Variants in FRK observed in about 807,000 individuals in gnomAD.
FRK encodes the protein fyn related Src family tyrosine kinase, also known as tyrosine-protein kinase FRK.
In FRK, 51 loss-of-function variants were observed where a neutral mutation model predicts 56.4. The observed-to-expected ratio is 0.90, with a 90% CI of 0.72 to 1.14. FRK has a LOEUF of 1.14. Ranked by LOEUF, FRK falls within the 50% of genes most tolerant of loss-of-function variation. The pLI is 0.00. For synonymous variants in FRK, 245 were observed against 217.9 expected (o/e 1.12, Z -1.10); for missense variants, 570 against 601.4 (o/e 0.95, Z 0.55).
At chr6:116,061,399 AACACACAC>A (rs3049929), upstream of FRK, among the ~76,000 whole-genome samples, 66 of 146,678 alleles carry the variant, frequency 4.5e-4, no homozygotes, top group African/African-American at 1.3e-3. Flanking sequence ...CTATTTGGGA[AACACACAC>A]ACACACACAC....
chr6:115,945,860 A>G (rs2114519602), intron 5 of FRK, among the ~76,000 whole-genome samples: 1 of 152,250 alleles, frequency 6.6e-6, no homozygotes, highest in East Asian at 1.9e-4. Context: ...TTTATAACTA[A>G]GTATAAAAAA....
At chr6:115,976,560 G>C (rs1773998881) in intron 2 of FRK, among the ~76,000 whole-genome samples, 1 of 152,036 alleles carries the variant, frequency 6.6e-6, no homozygotes, top group South Asian at 2.1e-4. Flanking sequence ...CTGGTCTTCT[G>C]GCATCATCTG....
chr6:115,985,843 T>C (rs114920812), intron 2 of FRK, among the ~76,000 whole-genome samples: 2,064 of 151,086 alleles, frequency 0.014, 52 homozygotes, highest in African/African-American at 0.048. Flanking sequence ...TCTGGAGTGA[T>C]TTTGAGATAA....
At chr6:116,006,514 A>C (rs1255255664) in intron 1 of FRK, among the ~76,000 whole-genome samples, 4 of 152,242 alleles carry the variant, frequency 2.6e-5, no homozygotes, top group African/African-American at 9.6e-5. Context: ...TTTCACTTCT[A>C]GACTACATGC....
chr6:116,033,360 A>G (rs1043050837), intron 1 of FRK, among the ~76,000 whole-genome samples: 4 of 152,178 alleles, frequency 2.6e-5, no homozygotes, highest in African/African-American at 9.6e-5. Flanking sequence ...ATATAAAAAT[A>G]AATTACTTAG....
intron 1 of FRK, among the ~76,000 whole-genome samples, chr6:116,026,291 A>AT (rs1776085794): frequency 6.6e-6 from 1 of 152,120 alleles, no homozygotes; most frequent in South Asian, 2.1e-4. Flanking sequence ...TCTGTCATCC[A>AT]TTTATTCATT....
the FRK span, among the ~76,000 whole-genome samples, chr6:116,093,957 T>C: frequency 6.6e-6 from 1 of 152,144 alleles, no homozygotes; most frequent in Non-Finnish European, 1.5e-5. Flanking sequence ...CAGTGTTCTA[T>C]AATAGGGACC....
intron 2 of FRK, among the ~76,000 whole-genome samples, chr6:115,990,329 T>A (rs1348646623): frequency 6.6e-6 from 1 of 151,952 alleles, no homozygotes; most frequent in African/African-American, 2.4e-5. Flanking sequence ...CCTTTTGAGA[T>A]CTTAATAATA....
At chr6:116,065,524 C>T (rs1777745157), upstream of FRK, among the ~76,000 whole-genome samples, 2 of 152,234 alleles carry the variant, frequency 1.3e-5, no homozygotes, top group Admixed American at 1.3e-4. Flanking sequence ...ATGACCCCAA[C>T]TTCTCTCCCT....
intron 2 of FRK, among the ~76,000 whole-genome samples, chr6:115,979,722 T>C (rs1241168311): frequency 6.6e-6 from 1 of 152,144 alleles, no homozygotes; most frequent in Non-Finnish European, 1.5e-5. Context: ...TTTTAAACCA[T>C]GTTGTTACTG....
chr6:116,065,703 C>T (rs796266463), upstream of FRK, among the ~76,000 whole-genome samples: 1 of 152,204 alleles, frequency 6.6e-6, no homozygotes, highest in Non-Finnish European at 1.5e-5. Context: ...AACCTATACC[C>T]ATTTTTGTCA....
At chr6:116,081,802 T>A in the FRK span, among the ~76,000 whole-genome samples, 12 of 152,160 alleles carry the variant, frequency 7.9e-5, no homozygotes, top group African/African-American at 2.9e-4. Flanking sequence ...AGTGTTTTAA[T>A]TGAATCCCTA....
At position 115,973,595 on chromosome 6, in the gene FRK, C is replaced by T. The variant is rs537828052; in HGVS notation, c.467-4856G>A. Among the ~76,000 whole-genome samples the T allele has an allele frequency of 8.5e-5, 13 of 152,244 alleles. No individual in the cohort carries two copies. In the South Asian group the frequency reaches 1.9e-3, roughly 22 times the overall value. On this transcript the variant is annotated intron_variant, in intron 2 of 7. Coordinates refer to ENST00000606080, the MANE Select transcript of FRK (RefSeq NM_002031.3). ...TAAAAAAAGCCAACAAAGGGCTGGGCATGGTGGCTCATGCCTGTAATCCCA... is the reference window on the plus strand; with the variant it reads ...TAAAAAAAGCCAACAAAGGGCTGGGTATGGTGGCTCATGCCTGTAATCCCA...
At chr6:115,980,433 G>A (rs567547917) in intron 2 of FRK, among the ~76,000 whole-genome samples, 160 of 152,170 alleles carry the variant, frequency 1.1e-3, no homozygotes, top group Middle Eastern at 6.8e-3. Context: ...GGCAGCTCAC[G>A]TGTCCTAGAG....
intron 1 of FRK, among the ~76,000 whole-genome samples, chr6:116,029,904 T>A (rs888738481): frequency 1.3e-5 from 2 of 152,160 alleles, no homozygotes; most frequent in South Asian, 2.1e-4. Flanking sequence ...TTAAGGAAAA[T>A]TTTTTCCAAT....
At chr6:116,053,185 C>T (rs1284258840) in intron 1 of FRK, among the ~76,000 whole-genome samples, 1 of 152,092 alleles carries the variant, frequency 6.6e-6, no homozygotes, top group African/African-American at 2.4e-5. Flanking sequence ...CATTATATTT[C>T]AGTAAAACTC....
Position 115,934,823 on chromosome 6 carries a change from ACCT to A in FRK, c.*7588_*7590del, listed in dbSNP as rs1772014992. On this transcript the variant is annotated 3_prime_UTR_variant, in exon 8 of 8. Transcript: ENST00000606080. ...TTTTGAAACCATCTTGGAAAAGTCT[ACCT>A]AGTTATCTAATGAGACAGATAATTT... The A allele has an allele frequency of 6.6e-6, 1 of 152,198 alleles. No individual in the cohort carries two copies. The highest frequency in any genetic ancestry group is 2.4e-5 in the African/African-American group (1 of 41,442). The allele number at this position is 152,198 out of a possible 1,614,324, so 9.4% of individuals were successfully genotyped here.
intron 4 of FRK, among the ~76,000 whole-genome samples, chr6:115,957,474 G>T (rs1773046565): frequency 6.6e-6 from 1 of 152,156 alleles, no homozygotes; most frequent in Non-Finnish European, 1.5e-5. Context: ...AAGGAATACT[G>T]TCATTTCACA....
At chr6:116,046,003 A>T (rs1368488081) in intron 1 of FRK, among the ~76,000 whole-genome samples, 2 of 152,248 alleles carry the variant, frequency 1.3e-5, no homozygotes, top group Non-Finnish European at 2.9e-5. Flanking sequence ...GACACTTCTC[A>T]AAAGAAGACA....
Sources: gnomAD v4.1 joint callset for allele counts (sites outside exome capture counted in the v4.1 genomes callset) on GRCh38, gnomAD v4.1.1 for gene constraint, MANE v1.5 for transcripts, NCBI Gene and HGNC (gene_info 2026-07-23, HGNC 2026-07-21) for gene names.